The following GPC6 variants were observed in gnomAD, a reference collection of about 807,000 sequenced individuals.
GPC6 encodes the protein glypican 6.
In GPC6, 14 loss-of-function variants were observed where a neutral mutation model predicts 55.2. That is an observed-to-expected ratio of 0.25 (90% confidence interval 0.17 to 0.40). GPC6 has a LOEUF of 0.40. Ranked by LOEUF, GPC6 falls within the 10% of genes least tolerant of loss-of-function variation. GPC6 has a pLI of 1.00. For synonymous variants in GPC6, 278 were observed against 259.6 expected (o/e 1.07, Z -0.68); for missense variants, 641 against 708.5 (o/e 0.90, Z 1.08).
At chr13:93,752,316 A>G (rs1241563071) in intron 2 of GPC6, among the ~76,000 whole-genome samples, 1 of 152,100 alleles carries the variant, frequency 6.6e-6, no homozygotes, top group Non-Finnish European at 1.5e-5. Context: ...AAGACATGCC[A>G]TCTTCAGGAG....
chr13:94,383,814 TG>T (rs1322701630), intron 7 of GPC6, among the ~76,000 whole-genome samples: 2 of 152,146 alleles, frequency 1.3e-5, no homozygotes, highest in East Asian at 1.9e-4. Flanking sequence ...TCCCTATAGC[TG>T]GGGAGGCCTC....
At chr13:93,479,428 G>T (rs112710717) in intron 1 of GPC6, among the ~76,000 whole-genome samples, 1 of 152,112 alleles carries the variant, frequency 6.6e-6, no homozygotes, top group African/African-American at 2.4e-5. Context: ...AGCTACAGAG[G>T]ACACAAAGAT....
intron 2 of GPC6, among the ~76,000 whole-genome samples, chr13:93,573,373 T>G (rs1876502957): frequency 6.6e-6 from 1 of 152,144 alleles, no homozygotes; most frequent in African/African-American, 2.4e-5. Context: ...TAGAATAGAT[T>G]TATTTAGCAA....
intron 1 of GPC6, among the ~76,000 whole-genome samples, chr13:93,297,889 G>A (rs1163187615): frequency 1.3e-5 from 2 of 152,126 alleles, no homozygotes. Context: ...AGCCTTCATG[G>A]GGAGATCATA....
intron 3 of GPC6, among the ~76,000 whole-genome samples, chr13:93,911,021 T>C (rs1876946876): frequency 6.6e-6 from 1 of 152,198 alleles, no homozygotes; most frequent in Non-Finnish European, 1.5e-5. Flanking sequence ...GAATCCAATA[T>C]TGTCTCTGAG....
chr13:93,450,645 T>A, intron 1 of GPC6: 1 of 552,492 alleles, frequency 1.8e-6, no homozygotes, highest in Non-Finnish European at 2.3e-6. Flanking sequence ...AACTTCTGCA[T>A]TTCCCTGAAG....
chr13:94,263,269 G>A lies in GPC6; in HGVS notation c.878-23080G>A, dbSNP rs557937616. On this transcript the variant is annotated intron_variant, in intron 4 of 8. Coordinates refer to ENST00000377047, the MANE Select transcript of GPC6 (RefSeq NM_005708.5). ...AGATAAAAGCCTTAGGAAGTAATCA[G>A]AGGATAGAAATATGACTTCCATTTG... Among the ~76,000 whole-genome samples, 5 of 152,352 alleles carry A rather than the reference G, an allele frequency of 3.3e-5. No individual in the cohort carries two copies. The East Asian group carries it at 9.7e-4, about 29-fold the overall frequency.
intron 2 of GPC6, among the ~76,000 whole-genome samples, chr13:93,609,306 C>G (rs1357427402): frequency 6.6e-6 from 1 of 152,192 alleles, no homozygotes; most frequent in Non-Finnish European, 1.5e-5. Flanking sequence ...CCTCCGCCTC[C>G]CAGGCTAAAG....
At chr13:93,273,358 A>G (rs1283879404) in intron 1 of GPC6, among the ~76,000 whole-genome samples, 1 of 152,130 alleles carries the variant, frequency 6.6e-6, no homozygotes, top group Non-Finnish European at 1.5e-5. Flanking sequence ...CCTAAAAGTT[A>G]AAAAAAGTAC....
intron 1 of GPC6, among the ~76,000 whole-genome samples, chr13:93,273,998 G>T (rs1877641418): frequency 6.6e-6 from 1 of 151,814 alleles, no homozygotes; most frequent in East Asian, 2.0e-4. Context: ...AGTAGAGATG[G>T]GGTTTCACCA....
intron 2 of GPC6, among the ~76,000 whole-genome samples, chr13:93,595,045 T>C (rs1056493928): frequency 2.0e-5 from 3 of 152,150 alleles, no homozygotes; most frequent in Non-Finnish European, 2.9e-5. Context: ...AGTGGTGAAT[T>C]AATATATTGC....
chr13:93,783,580 ATC>A (rs1566533473), intron 2 of GPC6, among the ~76,000 whole-genome samples: 4 of 70,612 alleles, frequency 5.7e-5, no homozygotes, highest in Non-Finnish European at 8.8e-5. Flanking sequence ...CTATCTGTCT[ATC>A]TATCTATCTA....
At chr13:93,720,744 C>T (rs1290661873) in intron 2 of GPC6, among the ~76,000 whole-genome samples, 1 of 151,892 alleles carries the variant, frequency 6.6e-6, no homozygotes, top group Admixed American at 6.6e-5. Flanking sequence ...TAGCTGTGTC[C>T]CAAATATTCT....
At chr13:93,674,147 A>G (rs527364477) in intron 2 of GPC6, among the ~76,000 whole-genome samples, 8 of 152,244 alleles carry the variant, frequency 5.3e-5, no homozygotes, top group African/African-American at 1.9e-4. Context: ...CCTAACAATC[A>G]GTTTTGGATT....
chr13:93,392,865 T>C (rs1056209906), intron 1 of GPC6, among the ~76,000 whole-genome samples: 3 of 152,116 alleles, frequency 2.0e-5, no homozygotes, highest in African/African-American at 7.2e-5. Context: ...TGGGAAGATA[T>C]GTGTGATTAG....
At chr13:94,309,986 G>A (rs1370521971) in intron 6 of GPC6, among the ~76,000 whole-genome samples, 2 of 152,148 alleles carry the variant, frequency 1.3e-5, no homozygotes, top group Non-Finnish European at 2.9e-5. Flanking sequence ...ATAATTTGAT[G>A]TGAAACTATA....
At chr13:93,859,441 G>T (rs1296616649) in intron 3 of GPC6, among the ~76,000 whole-genome samples, 1 of 151,438 alleles carries the variant, frequency 6.6e-6, no homozygotes, top group East Asian at 2.0e-4. Context: ...ATATTCATTT[G>T]ACAGGTTTTT....
At chr13:94,197,760 T>C (rs1889624361) in intron 4 of GPC6, among the ~76,000 whole-genome samples, 1 of 152,220 alleles carries the variant, frequency 6.6e-6, no homozygotes, top group Non-Finnish European at 1.5e-5. Flanking sequence ...TTTGGCAACT[T>C]ACTATTATGC....
chr13:93,492,701 G>T (rs140785627), intron 1 of GPC6, among the ~76,000 whole-genome samples: 26,118 of 146,480 alleles, frequency 0.18, 2,537 homozygotes, highest in Middle Eastern at 0.24. Flanking sequence ...GTCCCATCAA[G>T]ACCTAATTTA....
Sources: allele counts gnomAD v4.1 joint callset (sites outside exome capture counted in the v4.1 genomes callset), GRCh38; gene constraint gnomAD v4.1.1; transcripts MANE v1.5; gene names NCBI Gene and HGNC (gene_info 2026-07-23, HGNC 2026-07-21).